SLC43A2: variants seen among roughly 807,000 people sequenced by gnomAD.
SLC43A2 encodes large neutral amino acids transporter small subunit 4.
Under a neutral mutation model 63.2 loss-of-function variants are expected in SLC43A2, and 38 were observed. The ratio of observed to expected loss-of-function variants is 0.60; its 90% CI spans 0.46 to 0.79. The LOEUF (loss-of-function observed/expected upper bound fraction) is 0.79, where lower values mean the gene tolerates loss of function less well. SLC43A2 is among the 30% of genes least tolerant of loss of function. SLC43A2 has a pLI of 0.00. For synonymous variants in SLC43A2, 322 were observed against 331.0 expected, an observed-to-expected ratio of 0.97 and a Z score of 0.30; for missense variants, 644 against 756.2, an observed-to-expected ratio of 0.85 and a Z score of 1.74.
chr17:1,614,222 G>T (rs1907386743), intron 4 of SLC43A2, among the ~76,000 whole-genome samples: 1 of 152,018 alleles, frequency 6.6e-6, no homozygotes, highest in African/African-American at 2.4e-5. Flanking sequence ...CAGCCCGGGC[G>T]ACAGAGGGAG....
At chr17:1,591,522 G>A in intron 7 of SLC43A2, 44 bp downstream of exon 7, 3 of 1,608,444 alleles carry the variant, frequency 1.9e-6, no homozygotes, top group South Asian at 1.1e-5. Flanking sequence ...CCCGGCTGGG[G>A]GGCGGGGGCT....
intron 5 of SLC43A2, among the ~76,000 whole-genome samples, chr17:1,609,749 A>G (rs1233790010): frequency 6.6e-6 from 1 of 152,068 alleles, no homozygotes; most frequent in East Asian, 1.9e-4. Flanking sequence ...AATAAGGCAG[A>G]TCTCTAAGTA....
At position 1,591,269 on chromosome 17, in the gene SLC43A2, C is replaced by T; in HGVS notation, c.931G>A (p.Val311Met). 1 of 1,603,140 alleles carries T rather than the reference C, an allele frequency of 6.2e-7. No homozygotes were observed. Among genetic ancestry groups the T allele is most frequent in the Non-Finnish European group, 8.5e-7 (1 of 1,179,822 alleles). The change falls in exon 8 of 14, where the codon GTG (valine) becomes ATG (methionine). Residue 311 changes from valine (V) to methionine (M), a missense_variant and splice_region_variant. By Grantham distance (21) the Val-to-Met change is conservative (BLOSUM62 1). Around this residue, in one of 3 missense-constraint regions of SLC43A2, gnomAD observed 528 missense variants for 623.6 expected, o/e 0.85. Transcript: ENST00000301335. ...CCCGGCTGCGGTCTCAGGCGGGTAC[C>T]TGCGGCATCCGGCTGGCACTTCACC... Reference protein sequence around the residue: ...LEVKCQPDAAVAPSFMHSVFS... With the variant: ...LEVKCQPDAAMAPSFMHSVFS...
chr17:1,613,084 A>G (rs927239260), intron 5 of SLC43A2, 111 bp downstream of exon 5: 4 of 968,388 alleles, frequency 4.1e-6, no homozygotes, highest in Non-Finnish European at 6.4e-6. Flanking sequence ...TGTTTGGGAC[A>G]CCCAGGCACA....
At chr17:1,615,703 C>T (rs189257150) in intron 3 of SLC43A2, among the ~76,000 whole-genome samples, 3,235 of 148,244 alleles carry the variant, frequency 0.022, 68 homozygotes, top group East Asian at 0.071. Context: ...ATTAGCCGGG[C>T]GTGGTGGCAG....
rs748564128 is a variant in SLC43A2 at position 1,591,388 on chromosome 17, C to T, written c.812G>A (p.Arg271Gln). The T allele has an allele frequency of 7.4e-6, 12 of 1,612,566 alleles. No homozygotes were observed. Among genetic ancestry groups the T allele is most frequent in the East Asian group, 4.5e-5 (2 of 44,864 alleles). The change falls in exon 8 of 14, where the codon CGG (arginine) becomes CAG (glutamine). Residue 271 changes from arginine (R) to glutamine (Q), a missense_variant. This residue lies in a region of SLC43A2 where 528 missense variants were observed against 623.6 expected (regional missense o/e 0.85). Transcript: ENST00000301335. ...CATGGAGCTGCCCACACTCAGGCGC[C>T]GGCCCACCGTGGTCACCTGCTTGTA... Reference protein sequence around the residue: ...QFYKQVTTVGRRLSVGSSMRS... With the variant: ...QFYKQVTTVGQRLSVGSSMRS...
In SLC43A2 at chr17:1,576,734, G is replaced by A. The variant is rs772522383; in HGVS notation, c.1425-14C>T. The A allele has an allele frequency of 7.8e-5, 126 of 1,607,152 alleles. 1 individual carries two copies. The highest frequency in any genetic ancestry group is 6.9e-4 in the Middle Eastern group (4 of 5,790). The stretch of plus-strand genomic sequence containing the variant: ...GTGGAGGGGTACCTGCAGGGCAAGC[G>A]ACAGCTCACAGCCATCCTGCCTCCT... On this transcript the variant is annotated splice_polypyrimidine_tract_variant and intron_variant, in intron 12 of 13. Transcript: ENST00000301335.
chr17:1,576,619 G>A lies in SLC43A2; in HGVS notation c.1526C>T (p.Pro509Leu), dbSNP rs1183112743. 23 of 1,609,442 alleles carry A rather than the reference G, an allele frequency of 1.4e-5. No homozygotes were observed. The highest frequency in any genetic ancestry group is 2.7e-5 in the African/African-American group (2 of 74,928). ...QQPLFLAMMGPLQGDPLWVNV... is the reference protein window; with the variant it reads ...QQPLFLAMMGLLQGDPLWVNV... The stretch of plus-strand genomic sequence containing the variant: ...TACCCACAGAGGGTCTCCCTGGAGA[G>A]GACCCATCATGGCCAGAAACAGCGG... The change falls in exon 13 of 14, where the codon CCT becomes CTT. Residue 509 changes from proline to leucine, a missense_variant. Coordinates refer to ENST00000301335, the MANE Select transcript of SLC43A2 (RefSeq NM_152346.3).
Position 1,572,553 on chromosome 17 carries a change from A to G in SLC43A2, c.*3051T>C, listed in dbSNP as rs559347796. 2.0e-4 allele frequency: 31 copies of G among 152,226 alleles called. 1 individual carries two copies. Among genetic ancestry groups the G allele is most frequent in the African/African-American group, 7.5e-4 (31 of 41,440 alleles). The allele number at this position is 152,226 out of a possible 1,614,324, so 9.4% of individuals were successfully genotyped here. A position where few individuals can be genotyped will look rare whatever the true frequency, so the allele number is the denominator to read the frequency against. On this transcript the variant is annotated 3_prime_UTR_variant, in exon 14 of 14. Coordinates refer to ENST00000301335, the MANE Select transcript of SLC43A2 (RefSeq NM_152346.3). ...CTCCCAGATTGTTATCAAGTCAAGG[A>G]CAACAATAGGAAAACATGTCACCTG...
At chr17:1,628,033 G>C (rs1908851424) in intron 1 of SLC43A2, 113 bp from the exon 2 acceptor site, 2 of 1,078,376 alleles carry the variant, frequency 1.9e-6, no homozygotes, top group Non-Finnish European at 2.3e-6. Context: ...CCCGGCCGCG[G>C]CGGCCGGTGC....
chr17:1,624,587 C>A (rs938638933), intron 2 of SLC43A2, among the ~76,000 whole-genome samples: 1 of 151,756 alleles, frequency 6.6e-6, no homozygotes, highest in African/African-American at 2.4e-5. Context: ...ACCTGTAATC[C>A]CAAAAACAAA....
chr17:1,577,676 C>A lies in SLC43A2; in HGVS notation c.1424+574G>T, dbSNP rs907507078. On this transcript the variant is annotated intron_variant, in intron 12 of 13. Transcript: ENST00000301335. The surrounding 1 kb of genome is among the most constrained non-coding windows in gnomAD (Gnocchi z 4.9). ...TTCAGTTTTTGGGTCAAGGCCTGAG[C>A]CAGAGAAGAAGGAACCACTGTGGTT... Among the ~76,000 whole-genome samples the A allele has an allele frequency of 6.6e-6, 1 of 152,162 alleles. No homozygotes were observed. The highest frequency in any genetic ancestry group is 1.9e-4 in the East Asian group (1 of 5,194).
intron 5 of SLC43A2, chr17:1,604,870 A>G (rs1189611953): frequency 6.5e-7 from 1 of 1,534,956 alleles, no homozygotes; most frequent in Non-Finnish European, 8.7e-7. Flanking sequence ...CCTCTCGCTC[A>G]CTCCGTCCCC....
At chr17:1,610,263 AT>A (rs990655064) in intron 5 of SLC43A2, among the ~76,000 whole-genome samples, 14 of 150,998 alleles carry the variant, frequency 9.3e-5, no homozygotes, top group African/African-American at 3.4e-4. Flanking sequence ...GAAATGTTAA[AT>A]TTTTACTTTT....
chr17:1,576,505 G>A lies in SLC43A2; in HGVS notation c.1548+92C>T, dbSNP rs73976232. ...CTAACCAACGCTCCCACATGTCCTC[G>A]GGGCCCTGAAGCCCCCGAGGGGGAC... On this transcript the variant is annotated intron_variant, in intron 13 of 13. Transcript: ENST00000301335. 7.7e-4 allele frequency: 1,092 copies of A among 1,416,356 alleles called. 8 individuals carry two copies. The African/African-American group carries it at 0.013, about 17-fold the overall frequency. The allele number at this position is 1,416,356 out of a possible 1,614,324, so 87.7% of individuals were successfully genotyped here. A position where few individuals can be genotyped will look rare whatever the true frequency, so the allele number is the denominator to read the frequency against.
In SLC43A2 at chr17:1,586,958, T is replaced by A. The variant is rs965227903; in HGVS notation, c.1079-907A>T. 2.2e-5 allele frequency: 20 copies of A among 891,910 alleles called. No homozygotes were observed. The African/African-American group carries it at 3.8e-4, about 17-fold the overall frequency. The allele number at this position is 891,910 out of a possible 1,614,324, so 55.2% of individuals were successfully genotyped here. ...CCCACCCCCCGCTTACCCGTGGCCA[T>A]CACTGCATCAAGAAAGCAAAAGTGA... On this transcript the variant is annotated intron_variant, in intron 9 of 13. Transcript: ENST00000301335.
At chr17:1,613,474 C>T (rs942192568) in intron 4 of SLC43A2, among the ~76,000 whole-genome samples, 1 of 152,072 alleles carries the variant, frequency 6.6e-6, no homozygotes, top group Non-Finnish European at 1.5e-5. Context: ...TTAATCGAGA[C>T]GTAGTTTTGC....
Position 1,627,898 on chromosome 17 carries a change from C to A in SLC43A2, c.-24G>T. ...ATGGTGCGGCGCGGCGCGGCTCCGG[C>A]TCCGGCTCCGGCTCTGCACCACCTG... is the stretch of plus-strand genomic sequence containing the variant. On this transcript the variant is annotated 5_prime_UTR_variant, in exon 2 of 14. Transcript: ENST00000301335. 1 of 1,532,726 alleles carries A rather than the reference C, an allele frequency of 6.5e-7. No individual in the cohort carries two copies. The highest frequency in any genetic ancestry group is 8.8e-7 in the Non-Finnish European group (1 of 1,140,102). The allele number at this position is 1,532,726 out of a possible 1,614,324, so 94.9% of individuals were successfully genotyped here. A position where few individuals can be genotyped will look rare whatever the true frequency, so the allele number is the denominator to read the frequency against.
Position 1,583,197 on chromosome 17 carries a change from CA to C in SLC43A2, c.1350+6del, listed in dbSNP as rs1567612779. 1 of 1,613,700 alleles carries C rather than the reference CA, an allele frequency of 6.2e-7. No homozygotes were observed. Among genetic ancestry groups the C allele is most frequent in the South Asian group, 1.1e-5 (1 of 91,080 alleles). On this transcript the variant is annotated splice_donor_region_variant and intron_variant, in intron 11 of 13. Transcript: ENST00000301335. This position sits in a 1 kb window ranked among gnomAD's most constrained non-coding sequence, Gnocchi z 5.5. ...TCCCACCTGCCCCTCCCACTCCCCA[CA>C]CCCACCTGGAGAGGCAGGTTGGGAA...
Sources: allele counts gnomAD v4.1 joint callset (sites outside exome capture counted in the v4.1 genomes callset), GRCh38; gene constraint gnomAD v4.1.1; regional missense constraint gnomAD v4.1.1; non-coding constraint Gnocchi (gnomAD v3.1); transcripts MANE v1.5; gene names NCBI Gene and HGNC (gene_info 2026-07-23, HGNC 2026-07-21).